Variants in KATNAL1 observed in about 807,000 individuals in gnomAD.
The protein encoded by KATNAL1 is katanin catalytic subunit A1 like 1.
KATNAL1 carries 32 observed loss-of-function variants against 55.2 expected under a neutral mutation model. The observed-to-expected ratio is 0.58, with a 90% CI of 0.44 to 0.78. The LOEUF (loss-of-function observed/expected upper bound fraction) is 0.78. KATNAL1 is among the 30% of genes least tolerant of loss of function. The pLI, the probability that KATNAL1 is intolerant of heterozygous loss-of-function variation, is 0.00. For synonymous variants in KATNAL1, 193 were observed against 193.6 expected (o/e 1.00, Z 0.02); for missense variants, 466 against 600.9 (o/e 0.78, Z 2.35).
chr13:30,227,313 T>A (rs1433511975), intron 9 of KATNAL1, 99 bp downstream of exon 9: 1 of 1,178,012 alleles, frequency 8.5e-7, no homozygotes, highest in Non-Finnish European at 1.2e-6. Flanking sequence ...TGTGATGCTA[T>A]AAACTTCTTT....
intron 9 of KATNAL1, among the ~76,000 whole-genome samples, chr13:30,213,924 G>A (rs1254205085): frequency 6.6e-6 from 1 of 151,952 alleles, no homozygotes; most frequent in Non-Finnish European, 1.5e-5. Flanking sequence ...TTCTGGCCAG[G>A]GCAATTAGGC....
chr13:30,297,122 G>A (rs576310912), intron 1 of KATNAL1, among the ~76,000 whole-genome samples: 197 of 149,476 alleles, frequency 1.3e-3, no homozygotes, highest in Middle Eastern at 6.8e-3. Flanking sequence ...CAGCCTGGGT[G>A]ACAGAGTGAG....
chr13:30,283,115 A>G (rs549825474), intron 2 of KATNAL1, among the ~76,000 whole-genome samples: 1 of 151,098 alleles, frequency 6.6e-6, no homozygotes, highest in East Asian at 2.0e-4. Context: ...TAAAAACACA[A>G]AAATTAACTG....
At chr13:30,247,136 G>A (rs889950372) in intron 4 of KATNAL1, among the ~76,000 whole-genome samples, 11 of 152,100 alleles carry the variant, frequency 7.2e-5, no homozygotes, top group African/African-American at 2.7e-4. Context: ...AGATCCTAGG[G>A]AATACAGCTC....
In KATNAL1 at chr13:30,224,250, A is replaced by G. The variant is rs543298856; in HGVS notation, c.1147+3162T>C. On this transcript the variant is annotated intron_variant, in intron 9 of 10. Transcript: ENST00000380615. ...TAGCTTTAAAATGTGCAAATTTAAA[A>G]AAGAAAAAAAGGCCAGGTGCAGTAG... Among the ~76,000 whole-genome samples, 279 of 152,300 alleles carry G rather than the reference A, an allele frequency of 1.8e-3. 2 individuals carry two copies. The highest frequency in any genetic ancestry group is 2.6e-3 in the Non-Finnish European group (174 of 68,026).
At chr13:30,258,988 C>A (rs1879017865) in intron 3 of KATNAL1, among the ~76,000 whole-genome samples, 3 of 152,278 alleles carry the variant, frequency 2.0e-5, no homozygotes, top group African/African-American at 4.8e-5. Context: ...ATTATTAATT[C>A]TTTCAACAAA....
At chr13:30,292,956 C>T (rs759315542) in intron 1 of KATNAL1, among the ~76,000 whole-genome samples, 18 of 152,152 alleles carry the variant, frequency 1.2e-4, no homozygotes, top group Non-Finnish European at 2.4e-4. Flanking sequence ...TTATATATCA[C>T]TTGTTTTTCC....
rs553752385 is a variant in KATNAL1, at chr13:30,282,966, G to GA, written c.162+649dup. Among the ~76,000 whole-genome samples, 191 of 89,536 alleles carry GA rather than the reference G, an allele frequency of 2.1e-3. 2 individuals are homozygous for GA. Among genetic ancestry groups the GA allele is most frequent in the African/African-American group, 5.6e-3 (129 of 23,228 alleles). The allele number at this position is 89,536 out of a possible 152,430, so 58.7% of individuals were successfully genotyped here. Reference sequence around the variant, plus strand: ...TAAGACTCCGTCTCAAAAAAAAAAAGAAAAAAAAAAAAGAAAAAATGGGCC... The same window carrying GA: ...TAAGACTCCGTCTCAAAAAAAAAAAGAAAAAAAAAAAAAGAAAAAATGGGCC... On this transcript the variant is annotated intron_variant, in intron 2 of 10. Transcript: ENST00000380615.
At chr13:30,269,134 C>G (rs976374160) in intron 3 of KATNAL1, among the ~76,000 whole-genome samples, 3 of 152,200 alleles carry the variant, frequency 2.0e-5, no homozygotes, top group Non-Finnish European at 4.4e-5. Flanking sequence ...GATGCCGAGC[C>G]GAAGCTGGAC....
In KATNAL1 at chr13:30,227,113, A is replaced by T. The variant is rs67936617; in HGVS notation, c.1147+299T>A. Among the ~76,000 whole-genome samples the T allele has an allele frequency of 2.1e-3, 312 of 151,082 alleles. 3 individuals are homozygous for T. The highest frequency in any genetic ancestry group is 6.0e-3 in the African/African-American group (249 of 41,232). On this transcript the variant is annotated intron_variant, in intron 9 of 10. Coordinates refer to ENST00000380615, the MANE Select transcript of KATNAL1 (RefSeq NM_032116.5). The stretch of plus-strand genomic sequence containing the variant: ...TAAATATGTGTACACACACACACAC[A>T]CTCTCTCTCTCTCCAAAACAGCATA...
At chr13:30,302,008 A>G (rs936194676) in intron 1 of KATNAL1, among the ~76,000 whole-genome samples, 19 of 152,174 alleles carry the variant, frequency 1.2e-4, no homozygotes, top group African/African-American at 4.6e-4. Flanking sequence ...AGTAGCTGGG[A>G]CCACGGGTGT....
intron 1 of KATNAL1, among the ~76,000 whole-genome samples, chr13:30,304,362 T>G (rs1883052248): frequency 6.6e-6 from 1 of 151,768 alleles, no homozygotes; most frequent in African/African-American, 2.4e-5. Flanking sequence ...CTCTGCCTCC[T>G]GGGTTCAAGC....
chr13:30,299,171 A>C (rs1882712696), intron 1 of KATNAL1, among the ~76,000 whole-genome samples: 1 of 152,150 alleles, frequency 6.6e-6, no homozygotes, highest in African/African-American at 2.4e-5. Flanking sequence ...TTGTATACCA[A>C]ACCATTCAAG....
intron 9 of KATNAL1, among the ~76,000 whole-genome samples, chr13:30,221,748 CAGT>C (rs1874882824): frequency 6.6e-6 from 1 of 152,162 alleles, no homozygotes; most frequent in Non-Finnish European, 1.5e-5. Flanking sequence ...GGTGCCCAAA[CAGT>C]GGATAAAAAA....
chr13:30,270,614 C>G (rs1366323880), intron 3 of KATNAL1, among the ~76,000 whole-genome samples: 3 of 151,796 alleles, frequency 2.0e-5, no homozygotes, highest in Non-Finnish European at 4.4e-5. Flanking sequence ...GACCTTACCC[C>G]CAACCCTGTG....
chr13:30,248,402 A>C (rs556409179), intron 4 of KATNAL1, among the ~76,000 whole-genome samples: 1 of 152,364 alleles, frequency 6.6e-6, no homozygotes, highest in Non-Finnish European at 1.5e-5. Flanking sequence ...AAGGTAAAAA[A>C]AATAAAAACA....
chr13:30,219,435 A>G (rs1476483819), intron 9 of KATNAL1, among the ~76,000 whole-genome samples: 2 of 152,324 alleles, frequency 1.3e-5, no homozygotes, highest in Admixed American at 1.3e-4. Context: ...AGAATTTGGG[A>G]TTCCTCCCTG....
At chr13:30,283,877 C>CTT (rs34524152) in intron 1 of KATNAL1, 86 bp from the exon 2 acceptor site, 2,290 of 691,444 alleles carry the variant, frequency 3.3e-3, no homozygotes, top group Middle Eastern at 4.0e-3. Context: ...TTTAAAACTA[C>CTT]TTTTTTTTTT....
intron 9 of KATNAL1, among the ~76,000 whole-genome samples, chr13:30,222,115 T>C (rs1874932075): frequency 6.6e-6 from 1 of 152,140 alleles, no homozygotes; most frequent in South Asian, 2.1e-4. Flanking sequence ...TTCAATGAGA[T>C]TAACATTTAA....
Sources: allele counts gnomAD v4.1 joint callset (sites outside exome capture counted in the v4.1 genomes callset), GRCh38; gene constraint gnomAD v4.1.1; transcripts MANE v1.5; gene names NCBI Gene and HGNC (gene_info 2026-07-23, HGNC 2026-07-21).